The following EXOC2 variants were observed in gnomAD, a reference collection of about 807,000 sequenced individuals.
The protein encoded by EXOC2 is SEC5-like 1.
Under a neutral mutation model 131.8 loss-of-function variants are expected in EXOC2, and 70 were observed. The observed-to-expected ratio is 0.53, with a 90% CI of 0.44 to 0.65. The LOEUF (loss-of-function observed/expected upper bound fraction) is 0.65, where lower values mean the gene tolerates loss of function less well. EXOC2 is among the 30% of genes least tolerant of loss of function. EXOC2 has a pLI of 0.00. For synonymous variants in EXOC2, 411 were observed against 398.4 expected, an observed-to-expected ratio of 1.03 and a Z score of -0.38; for missense variants, 923 against 1,108.6, an observed-to-expected ratio of 0.83 and a Z score of 2.38.
chr6:514,948 C>T (rs1765061667), intron 23 of EXOC2, among the ~76,000 whole-genome samples: 1 of 152,232 alleles, frequency 6.6e-6, no homozygotes, highest in Admixed American at 6.5e-5. Context: ...CGCATGCAAA[C>T]AGCTTAAAAG....
intron 22 of EXOC2, among the ~76,000 whole-genome samples, chr6:538,845 G>A (rs1248843339): frequency 6.6e-6 from 1 of 152,152 alleles, no homozygotes; most frequent in African/African-American, 2.4e-5. Flanking sequence ...AGGCTGAGGC[G>A]GGTGGATCAC....
chr6:553,439 A>G (rs1019862734), intron 21 of EXOC2, among the ~76,000 whole-genome samples: 1 of 151,804 alleles, frequency 6.6e-6, no homozygotes, highest in East Asian at 1.9e-4. Context: ...CTGTGCTCAA[A>G]TAAAAGGCTA....
At chr6:516,332 G>A (rs997955925) in intron 23 of EXOC2, among the ~76,000 whole-genome samples, 28 of 152,174 alleles carry the variant, frequency 1.8e-4, no homozygotes, top group African/African-American at 6.3e-4. Flanking sequence ...TAGGCCACGC[G>A]TACATGAAGA....
At chr6:607,037 G>A (rs73716844) in intron 7 of EXOC2, among the ~76,000 whole-genome samples, 2,096 of 152,314 alleles carry the variant, frequency 0.014, 51 homozygotes, top group African/African-American at 0.047. Context: ...TGGCCTTGAA[G>A]GAGGCAGTGT....
At chr6:496,629 T>C (rs1379170694) in intron 25 of EXOC2, among the ~76,000 whole-genome samples, 1 of 152,172 alleles carries the variant, frequency 6.6e-6, no homozygotes, top group Non-Finnish European at 1.5e-5. Context: ...CCATAAGAAA[T>C]AAGAAATTCA....
At position 599,142 on chromosome 6, in the gene EXOC2, C is replaced by CA; in HGVS notation, c.825dup (p.Val276CysfsTer6). 1.2e-6 allele frequency: 2 copies of CA among 1,613,274 alleles called. No homozygotes were observed. Among genetic ancestry groups the CA allele is most frequent in the Non-Finnish European group, 1.7e-6 (2 of 1,179,562 alleles). ...AAAAGAAACTTAAATCGCTGAAGCA[C>CA]ATTGAGTGCATTTCTAGTGGAATCT... On this transcript the variant is annotated frameshift_variant, in exon 8 of 28. Coordinates refer to ENST00000230449, the MANE Select transcript of EXOC2 (RefSeq NM_018303.6). LOFTEE classifies it high-confidence loss of function.
rs928412304 is a variant in EXOC2, at chr6:522,874, C to T, written c.2380+9595G>A. Among the ~76,000 whole-genome samples, 4 of 152,284 alleles carry T rather than the reference C, an allele frequency of 2.6e-5. No individual in the cohort carries two copies. The East Asian group carries it at 7.7e-4, about 29-fold the overall frequency. Reference sequence around the variant, plus strand: ...CCAGTGTAGACTGAGTACAGATGACCAGGAACGGCTGGTATGAAGAGATGA... The same window carrying T: ...CCAGTGTAGACTGAGTACAGATGACTAGGAACGGCTGGTATGAAGAGATGA... On this transcript the variant is annotated intron_variant, in intron 23 of 27. Coordinates refer to ENST00000230449, the MANE Select transcript of EXOC2 (RefSeq NM_018303.6).
At chr6:604,476 G>A (rs761521775) in intron 7 of EXOC2, among the ~76,000 whole-genome samples, 5 of 151,934 alleles carry the variant, frequency 3.3e-5, no homozygotes, top group Non-Finnish European at 5.9e-5. Context: ...CTCCCTTCTC[G>A]TCCATTCTCT....
intron 7 of EXOC2, among the ~76,000 whole-genome samples, chr6:604,060 T>G (rs1415693996): frequency 6.6e-6 from 1 of 152,200 alleles, no homozygotes; most frequent in Non-Finnish European, 1.5e-5. Context: ...CCCCGTTTTA[T>G]GTTGGAGGCA....
At chr6:688,634 C>T (rs1044326765) in intron 1 of EXOC2, among the ~76,000 whole-genome samples, 1 of 152,192 alleles carries the variant, frequency 6.6e-6, no homozygotes, top group Admixed American at 6.5e-5. Context: ...CAGCCCCCAG[C>T]ACTACTTCTC....
intron 1 of EXOC2, chr6:656,460 C>T (rs1420630800): frequency 6.2e-7 from 1 of 1,612,522 alleles, no homozygotes; most frequent in Non-Finnish European, 8.5e-7. Context: ...CAGCGTCCTC[C>T]AGCGCGGCAG....
intron 4 of EXOC2, among the ~76,000 whole-genome samples, chr6:623,751 T>C (rs933266035): frequency 3.9e-5 from 6 of 152,178 alleles, no homozygotes; most frequent in African/African-American, 1.2e-4. Flanking sequence ...TGGATAAACT[T>C]GTTTTTGAAC....
chr6:655,872 C>T (rs2127746867), intron 1 of EXOC2: 1 of 378,864 alleles, frequency 2.6e-6, no homozygotes, highest in South Asian at 5.0e-5. Context: ...TGAAGAATAA[C>T]TTTGATAGAA....
At position 491,192 on chromosome 6, in the gene EXOC2, A is replaced by T. The variant is rs565272487; in HGVS notation, c.2560-6T>A. On this transcript the variant is annotated splice_polypyrimidine_tract_variant and splice_region_variant and intron_variant, in intron 25 of 27. Coordinates refer to ENST00000230449, the MANE Select transcript of EXOC2 (RefSeq NM_018303.6). Reference sequence around the variant, plus strand: ...GCACAGATTTCAAGTCTCGCCTGAAAATGAGAAAAAGACAAAGTGACAACA... The same window carrying T: ...GCACAGATTTCAAGTCTCGCCTGAATATGAGAAAAAGACAAAGTGACAACA... The T allele has an allele frequency of 2.5e-6, 4 of 1,614,198 alleles. No homozygotes were observed. The South Asian group carries it at 4.4e-5, about 18-fold the overall frequency.
intron 1 of EXOC2, among the ~76,000 whole-genome samples, chr6:688,387 G>A (rs1374360406): frequency 6.6e-6 from 1 of 152,178 alleles, no homozygotes; most frequent in South Asian, 2.1e-4. Flanking sequence ...ACAGGAGGCA[G>A]AGAGTTGAGA....
intron 1 of EXOC2, among the ~76,000 whole-genome samples, chr6:684,348 C>A (rs900008881): frequency 1.3e-5 from 2 of 152,174 alleles, no homozygotes; most frequent in Non-Finnish European, 1.5e-5. Flanking sequence ...TTGACCTGTA[C>A]TCCCCCATAC....
At chr6:537,466 G>A (rs1321342293) in intron 22 of EXOC2, among the ~76,000 whole-genome samples, 7 of 151,852 alleles carry the variant, frequency 4.6e-5, no homozygotes, top group South Asian at 2.1e-4. Context: ...GTTGATGGCC[G>A]ACGGAGCGTA....
chr6:498,155 T>C (rs1763847657), intron 24 of EXOC2, among the ~76,000 whole-genome samples: 1 of 152,234 alleles, frequency 6.6e-6, no homozygotes, highest in Admixed American at 6.5e-5. Context: ...GCCACTAGCA[T>C]TAAATATTTG....
intron 6 of EXOC2, among the ~76,000 whole-genome samples, chr6:616,364 G>A (rs1271832319): frequency 6.6e-6 from 1 of 152,122 alleles, no homozygotes; most frequent in Non-Finnish European, 1.5e-5. Context: ...AGCACTTTGG[G>A]AGGCCGAGGC....
Sources: allele counts gnomAD v4.1 joint callset (sites outside exome capture counted in the v4.1 genomes callset), GRCh38; gene constraint gnomAD v4.1.1; transcripts MANE v1.5; gene names NCBI Gene and HGNC (gene_info 2026-07-23, HGNC 2026-07-21).